CTNNA3: variants seen among roughly 807,000 people sequenced by gnomAD.
The protein encoded by CTNNA3 is catenin alpha-3.
In CTNNA3, 76 loss-of-function variants were observed where a neutral mutation model predicts 95.7. The ratio of observed to expected loss-of-function variants is 0.79; its 90% CI spans 0.66 to 0.96. CTNNA3 has a LOEUF of 0.96. Among genes scored for constraint, CTNNA3 ranks in the 40% least tolerant of loss-of-function variants. The pLI is 0.00. For missense variants in CTNNA3, 1,191 were observed against 1,089.8 expected (o/e 1.09, Z -1.31); for synonymous variants, 431 against 374.4 (o/e 1.15, Z -1.74).
rs147449466 is a variant in CTNNA3, at chr10:65,948,945, A to G, written c.2400+17667T>C. ...TCATCTAGAGTAACTAATTAATCCC[A>G]AAAGTCTTTATACTTTTGAAAATTC... On this transcript the variant is annotated intron_variant, in intron 17 of 17. Coordinates refer to ENST00000433211, the MANE Select transcript of CTNNA3 (RefSeq NM_013266.4). Among the ~76,000 whole-genome samples the G allele has an allele frequency of 3.2e-3, 494 of 152,302 alleles. 1 individual carries two copies. The highest frequency in any genetic ancestry group is 0.01 in the Middle Eastern group (3 of 294).
intron 7 of CTNNA3, among the ~76,000 whole-genome samples, chr10:66,891,533 A>T (rs1044913211): frequency 1.3e-5 from 2 of 152,168 alleles, no homozygotes; most frequent in Non-Finnish European, 2.9e-5. Context: ...ATAATCAGTC[A>T]ATTTGTTTTA....
At chr10:66,288,789 T>C (rs1291591710) in intron 12 of CTNNA3, among the ~76,000 whole-genome samples, 5 of 152,060 alleles carry the variant, frequency 3.3e-5, no homozygotes, top group African/African-American at 1.2e-4. Flanking sequence ...GTATCATCTT[T>C]GATTCTGTGT....
chr10:65,979,364 T>C (rs1317359766), intron 16 of CTNNA3, among the ~76,000 whole-genome samples: 1 of 152,132 alleles, frequency 6.6e-6, no homozygotes, highest in East Asian at 1.9e-4. Context: ...GAAATGAGTG[T>C]CCTATGTAAT....
intron 7 of CTNNA3, among the ~76,000 whole-genome samples, chr10:66,922,951 T>TA (rs1323189698): frequency 6.6e-6 from 1 of 152,152 alleles, no homozygotes; most frequent in Non-Finnish European, 1.5e-5. Flanking sequence ...ACGCTTTGTA[T>TA]AAAAAACAAT....
rs1316022454 is a variant in CTNNA3, at chr10:67,718,503, G to T, written c.-2+44931C>A. Among the ~76,000 whole-genome samples the T allele has an allele frequency of 4.6e-5, 7 of 152,278 alleles. No homozygotes were observed. In the East Asian group the frequency reaches 1.3e-3, roughly 29 times the overall value. On this transcript the variant is annotated intron_variant, in intron 1 of 17. Transcript: ENST00000684154. ...TCCATCAATACCTAGTTTACTGAAG[G>T]TTTTTAGCATGAAGGGGTGTTAAAT...
At chr10:66,141,911 T>C (rs1017407086) in intron 13 of CTNNA3, among the ~76,000 whole-genome samples, 10 of 152,194 alleles carry the variant, frequency 6.6e-5, no homozygotes, top group South Asian at 4.1e-4. Flanking sequence ...TTATTAAAGA[T>C]ATATCCCATA....
In CTNNA3 at chr10:67,531,280, G is replaced by A. The variant is rs145885811; in HGVS notation, c.459+8223C>T. On this transcript the variant is annotated intron_variant, in intron 4 of 17. Coordinates refer to ENST00000433211, the MANE Select transcript of CTNNA3 (RefSeq NM_013266.4). ...CTTGCACTGTGCACCTGGAAAAGCC[G>A]CAGACACTCAATGGCAACCCATGAA... Among the ~76,000 whole-genome samples, 585 of 152,248 alleles carry A rather than the reference G, an allele frequency of 3.8e-3. 1 individual carries two copies. The highest frequency in any genetic ancestry group is 6.4e-3 in the Non-Finnish European group (435 of 68,016).
At chr10:66,700,208 T>C (rs1035495205) in intron 9 of CTNNA3, among the ~76,000 whole-genome samples, 3 of 152,182 alleles carry the variant, frequency 2.0e-5, no homozygotes, top group African/African-American at 7.2e-5. Context: ...AATATCATTA[T>C]GAAGGACAAT....
intron 12 of CTNNA3, among the ~76,000 whole-genome samples, chr10:66,353,836 T>C (rs1249616477): frequency 1.3e-5 from 2 of 151,660 alleles, no homozygotes; most frequent in Non-Finnish European, 2.9e-5. Flanking sequence ...GAAAACTGGG[T>C]TTAGAATATT....
intron 7 of CTNNA3, among the ~76,000 whole-genome samples, chr10:66,959,214 T>A (rs563840677): frequency 6.6e-6 from 1 of 152,192 alleles, no homozygotes; most frequent in Admixed American, 6.5e-5. Context: ...CAATCTTTTA[T>A]TCTCTTCAAA....
In CTNNA3 at chr10:66,331,338, G is replaced by GCTTGTTTTTTTTTTTTTTTTTTT. The variant is rs1417713676; in HGVS notation, c.1732+47813_1732+47814insAAAAAAAAAAAAAAAAAAACAAG. ...TTAAATATGGACTCCTTTCCCCATT[G>GCTTGTTTTTTTTTTTTTTTTTTT]TTTGTTTTTTTTTTTTTTTTTTTTT... On this transcript the variant is annotated intron_variant, in intron 12 of 17. Transcript: ENST00000433211. Among the ~76,000 whole-genome samples the GCTTGTTTTTTTTTTTTTTTTTTT allele has an allele frequency of 2.6e-4, 10 of 39,116 alleles. 4 individuals are homozygous for GCTTGTTTTTTTTTTTTTTTTTTT. The highest frequency in any genetic ancestry group is 2.4e-3 in the South Asian group (2 of 828). The allele number at this position is 39,116 out of a possible 152,430, so 25.7% of individuals were successfully genotyped here. A position where few individuals can be genotyped will look rare whatever the true frequency, so the allele number is the denominator to read the frequency against.
At chr10:66,073,258 A>T (rs372353682) in intron 14 of CTNNA3, among the ~76,000 whole-genome samples, 2 of 152,168 alleles carry the variant, frequency 1.3e-5, no homozygotes, top group South Asian at 2.1e-4. Context: ...AAACATGCTG[A>T]GTGAGTGTAA....
At chr10:66,691,172 A>T (rs1255863334) in intron 9 of CTNNA3, among the ~76,000 whole-genome samples, 1 of 152,164 alleles carries the variant, frequency 6.6e-6, no homozygotes, top group African/African-American at 2.4e-5. Context: ...CTCACTCAGG[A>T]AGCGCAAGGG....
At chr10:67,271,435 T>C (rs375536357) in intron 5 of CTNNA3, among the ~76,000 whole-genome samples, 34 of 152,158 alleles carry the variant, frequency 2.2e-4, no homozygotes, top group African/African-American at 7.7e-4. Context: ...CCCCTTTGTG[T>C]TCTGCCATGA....
chr10:66,625,459 G>T (rs1844901173), intron 9 of CTNNA3, among the ~76,000 whole-genome samples: 1 of 152,028 alleles, frequency 6.6e-6, no homozygotes, highest in Admixed American at 6.6e-5. Flanking sequence ...CTCGATCTAG[G>T]CTCACTGCAA....
chr10:66,087,828 A>C (rs1564630497), intron 14 of CTNNA3, among the ~76,000 whole-genome samples: 1 of 152,104 alleles, frequency 6.6e-6, no homozygotes, highest in Non-Finnish European at 1.5e-5. Flanking sequence ...AGGGCATTAG[A>C]CTTAGTCTAG....
chr10:67,688,478 A>C (rs753860189), intron 1 of CTNNA3, among the ~76,000 whole-genome samples: 1 of 152,192 alleles, frequency 6.6e-6, no homozygotes, highest in Non-Finnish European at 1.5e-5. Context: ...AAGCTTGGAC[A>C]TAAGGTATTT....
At chr10:66,420,791 TCTGTCTC>T (rs2093185421) in intron 11 of CTNNA3, among the ~76,000 whole-genome samples, 1 of 123,658 alleles carries the variant, frequency 8.1e-6, no homozygotes, top group African/African-American at 3.0e-5. Context: ...ACAGCAAGAC[TCTGTCTC>T]AAATAAATAA....
chr10:67,654,562 C>G (rs1464661293), intron 1 of CTNNA3, among the ~76,000 whole-genome samples: 1 of 151,748 alleles, frequency 6.6e-6, no homozygotes, highest in Non-Finnish European at 1.5e-5. Context: ...CACAGCTCAC[C>G]ACTGCAACCT....
Sources: allele counts gnomAD v4.1 joint callset (sites outside exome capture counted in the v4.1 genomes callset), GRCh38; gene constraint gnomAD v4.1.1; transcripts MANE v1.5; gene names NCBI Gene and HGNC (gene_info 2026-07-23, HGNC 2026-07-21).